Variants in DIP2A observed in about 807,000 individuals in gnomAD.
DIP2A encodes the protein DIP2 acetate--CoA ligase A.
DIP2A carries 85 observed loss-of-function variants against 177.4 expected under a neutral mutation model. The observed-to-expected ratio is 0.48, with a 90% CI of 0.40 to 0.57. The LOEUF is 0.57. Among genes scored for constraint, DIP2A ranks in the 20% least tolerant of loss-of-function variants. The probability of loss-of-function intolerance (pLI) is 0.00; values close to 1 mark genes in which losing one functional copy is unlikely to be tolerated. For synonymous variants in DIP2A, 886 were observed against 881.8 expected, an observed-to-expected ratio of 1.00 and a Z score of -0.08; for missense variants, 1,791 against 2,100.2, an observed-to-expected ratio of 0.85 and a Z score of 2.88.
At chr21:46,518,725 C>T (rs1032841279) in intron 8 of DIP2A, among the ~76,000 whole-genome samples, 1 of 152,162 alleles carries the variant, frequency 6.6e-6, no homozygotes, top group African/African-American at 2.4e-5. Context: ...GGTGTGGTGG[C>T]ATGCGCCTAT....
chr21:46,495,244 T>TTCTCTTCTCTTCTTTCTCTCTCTCTC (rs2057275285), intron 3 of DIP2A, among the ~76,000 whole-genome samples: 1 of 38,176 alleles, frequency 2.6e-5, no homozygotes, highest in African/African-American at 1.2e-4. Flanking sequence ...CTTCTCTTCT[T>TTCTCTTCTCTTCTTTCTCTCTCTCTC]TCTCTCTCTC....
At chr21:46,501,836 T>C (rs2057668128) in intron 5 of DIP2A, among the ~76,000 whole-genome samples, 1 of 152,186 alleles carries the variant, frequency 6.6e-6, no homozygotes, top group South Asian at 2.1e-4. Context: ...TTTGGAAGAG[T>C]GGGGAAATTT....
chr21:46,549,852 G>A lies in DIP2A; in HGVS notation c.2604G>A (p.Glu868=), dbSNP rs371516976. 9.4e-5 allele frequency: 151 copies of A among 1,612,668 alleles called. No homozygotes were observed. Among genetic ancestry groups the A allele is most frequent in the Admixed American group, 1.5e-4 (9 of 60,014 alleles). ...VAEQRPDASE[E]DSFQWMSRVL... ...AGCAGCGGCCGGATGCCTCGGAGGA[G>A]GACAGCTTCCAGTGGATGAGCCGTG... The change falls in exon 22 of 38, where the codon GAG becomes GAA. Residue 868 remains glutamate (E), a synonymous_variant. Coordinates refer to ENST00000417564, the MANE Select transcript of DIP2A (RefSeq NM_015151.4).
intron 17 of DIP2A, among the ~76,000 whole-genome samples, chr21:46,541,277 GTGGTTC>G (rs1601755715): frequency 6.6e-6 from 1 of 152,148 alleles, no homozygotes; most frequent in East Asian, 1.9e-4. Context: ...CCTCTGCCAG[GTGGTTC>G]TGGCTTGCAG....
intron 5 of DIP2A, among the ~76,000 whole-genome samples, chr21:46,502,183 T>G (rs1215310864): frequency 6.6e-6 from 1 of 152,130 alleles, no homozygotes; most frequent in Non-Finnish European, 1.5e-5. Flanking sequence ...TGGCCCGGGC[T>G]AGAGTGCAGC....
At chr21:46,541,936 T>G in intron 18 of DIP2A, 41 bp downstream of exon 18, 1 of 1,612,794 alleles carries the variant, frequency 6.2e-7, no homozygotes, top group Non-Finnish European at 8.5e-7. Flanking sequence ...CCATGACTGA[T>G]TGAGGTAACG....
chr21:46,476,791 G>A (rs1433609268), intron 1 of DIP2A, among the ~76,000 whole-genome samples: 2 of 151,950 alleles, frequency 1.3e-5, no homozygotes, highest in Non-Finnish European at 2.9e-5. Context: ...CCAGTAGCGA[G>A]ATTACAGGTG....
chr21:46,545,174 T>A lies in DIP2A; in HGVS notation c.2214T>A (p.Tyr738Ter). The change falls in exon 19 of 38, where the codon TAT becomes TAA. Residue 738 changes from tyrosine (Y) to a stop codon, truncating the protein, a stop_gained. Transcript: ENST00000417564. LOFTEE classifies it high-confidence loss of function. ...TTGTGAAGTTAGAAGGTACCCCTTA[T>A]CTTTGTAAAACTGATGAAGTGGGAG... ...VCVVKLEGTPYLCKTDEVGEI... is the reference protein window; with the variant it reads ...VCVVKLEGTP The A allele has an allele frequency of 6.2e-7, 1 of 1,608,172 alleles. No homozygotes were observed. The highest frequency in any genetic ancestry group is 8.5e-7 in the Non-Finnish European group (1 of 1,175,092).
At position 46,547,656 on chromosome 21, in the gene DIP2A, C is replaced by CTTTTTT. The variant is rs10672432; in HGVS notation, c.2522+635_2522+640dup. The stretch of plus-strand genomic sequence containing the variant: ...AATTTTATTTTTCTCAAGGGGGTGC[C>CTTTTTT]TTTTTTTTTTTTTTTTTTTTTTTTT... On this transcript the variant is annotated intron_variant, in intron 21 of 37. Coordinates refer to ENST00000417564, the MANE Select transcript of DIP2A (RefSeq NM_015151.4). Among the ~76,000 whole-genome samples the CTTTTTT allele has an allele frequency of 7.9e-5, 6 of 76,390 alleles. No homozygotes were observed. The East Asian group carries it at 3.1e-3, about 40-fold the overall frequency. The allele number at this position is 76,390 out of a possible 152,430, so 50.1% of individuals were successfully genotyped here.
At chr21:46,567,286 T>C in intron 37 of DIP2A, 84 bp from the exon 38 acceptor site, 2 of 1,534,182 alleles carry the variant, frequency 1.3e-6, no homozygotes, top group Non-Finnish European at 1.8e-6. Flanking sequence ...TTCACTCTTC[T>C]TTGTGCCACC....
intron 1 of DIP2A, among the ~76,000 whole-genome samples, chr21:46,480,101 T>C (rs2056234273): frequency 6.6e-6 from 1 of 151,352 alleles, no homozygotes; most frequent in Non-Finnish European, 1.5e-5. Context: ...AGTTTTATTA[T>C]GGTCAGGTAT....
intron 8 of DIP2A, among the ~76,000 whole-genome samples, chr21:46,524,872 CTTTTTTTT>C (rs3061062): frequency 2.7e-4 from 17 of 63,390 alleles, no homozygotes; most frequent in East Asian, 4.8e-4. Flanking sequence ...TTGCTTTTTG[CTTTTTTTT>C]TTTTTTTTTT....
At chr21:46,499,235 G>T (rs2148535258) in intron 5 of DIP2A, among the ~76,000 whole-genome samples, 1 of 152,260 alleles carries the variant, frequency 6.6e-6, no homozygotes, top group Non-Finnish European at 1.5e-5. Context: ...GGCAGTCCTA[G>T]TCCTTTGGGG....
rs779490071 is a variant in DIP2A, at chr21:46,563,947, A to G, written c.4164+15A>G. 20 of 1,611,378 alleles carry G rather than the reference A, an allele frequency of 1.2e-5. No homozygotes were observed. Among genetic ancestry groups the G allele is most frequent in the Non-Finnish European group, 1.5e-5 (18 of 1,179,200 alleles). ...ACCTGGGAGAGGTGAGCAGGGGCCC[A>G]TGGGAGGGGCTTGAGCTCTCCAGCC... is the stretch of plus-strand genomic sequence containing the variant. On this transcript the variant is annotated intron_variant, in intron 35 of 37. Coordinates refer to ENST00000417564, the MANE Select transcript of DIP2A (RefSeq NM_015151.4). The surrounding 1 kb of genome is among the most constrained non-coding windows in gnomAD (Gnocchi z 4.3).
At chr21:46,480,929 C>T (rs2056302206) in intron 1 of DIP2A, among the ~76,000 whole-genome samples, 1 of 152,154 alleles carries the variant, frequency 6.6e-6, no homozygotes, top group African/African-American at 2.4e-5. Context: ...TGCTAACTGC[C>T]TGAAGTACTT....
At chr21:46,545,596 T>C (rs1176416088) in intron 19 of DIP2A, among the ~76,000 whole-genome samples, 1 of 152,214 alleles carries the variant, frequency 6.6e-6, no homozygotes, top group Non-Finnish European at 1.5e-5. Flanking sequence ...AAACCAGCCC[T>C]CTGCTATATT....
intron 1 of DIP2A, among the ~76,000 whole-genome samples, chr21:46,461,110 T>C (rs62224255): frequency 0.83 from 125,453 of 150,932 alleles, 52,499 homozygotes; most frequent in African/African-American, 0.92. Flanking sequence ...ACAGCTTGGG[T>C]AACATAGCAA....
chr21:46,539,735 T>C, intron 16 of DIP2A, 142 bp from the exon 17 acceptor site: 1 of 723,546 alleles, frequency 1.4e-6, no homozygotes, highest in Non-Finnish European at 2.5e-6. Context: ...TGAGGGTACC[T>C]GTGAAGGGGC....
In DIP2A at chr21:46,557,815, A is replaced by G; in HGVS notation, c.3798+62A>G. 1 of 1,549,004 alleles carries G rather than the reference A, an allele frequency of 6.5e-7. No individual in the cohort carries two copies. Among genetic ancestry groups the G allele is most frequent in the South Asian group, 1.2e-5 (1 of 84,824 alleles). ...GACCACAGCCCTGGGAAGTTTAAAAACAACAAAACAAAACAAGACTCCCAA... is the reference window on the plus strand; with the variant it reads ...GACCACAGCCCTGGGAAGTTTAAAAGCAACAAAACAAAACAAGACTCCCAA... On this transcript the variant is annotated intron_variant, in intron 31 of 37. Coordinates refer to ENST00000417564, the MANE Select transcript of DIP2A (RefSeq NM_015151.4). This position sits in a 1 kb window ranked among gnomAD's most constrained non-coding sequence, Gnocchi z 6.0.
Sources: allele counts gnomAD v4.1 joint callset (sites outside exome capture counted in the v4.1 genomes callset), GRCh38; gene constraint gnomAD v4.1.1; non-coding constraint Gnocchi (gnomAD v3.1); transcripts MANE v1.5; gene names NCBI Gene and HGNC (gene_info 2026-07-23, HGNC 2026-07-21).